GALNT13: variants seen among roughly 807,000 people sequenced by gnomAD.
The protein encoded by GALNT13 is UDP-GalNAc:polypeptide N-acetylgalactosaminyltransferase 13.
Under a neutral mutation model 64.2 loss-of-function variants are expected in GALNT13, and 28 were observed. The ratio of observed to expected loss-of-function variants is 0.44; its 90% confidence interval spans 0.32 to 0.60. The LOEUF is 0.60. Among genes scored for constraint, GALNT13 ranks in the 20% least tolerant of loss-of-function variants. GALNT13 has a pLI of 0.05. For synonymous variants in GALNT13, 214 were observed against 224.6 expected (o/e 0.95, Z 0.42); for missense variants, 577 against 669.8 (o/e 0.86, Z 1.53).
At chr2:153,477,161 CCTT>C in the GALNT13 span, among the ~76,000 whole-genome samples, 1 of 152,084 alleles carries the variant, frequency 6.6e-6, no homozygotes, top group African/African-American at 2.4e-5. Context: ...AGGCTGGGCT[CCTT>C]CTCAGTCATC....
intron 4 of GALNT13, among the ~76,000 whole-genome samples, chr2:154,193,142 G>A (rs1686690350): frequency 6.6e-6 from 1 of 152,172 alleles, no homozygotes; most frequent in Non-Finnish European, 1.5e-5. Flanking sequence ...CAGGATAAGA[G>A]TACAAATCCC....
At chr2:153,103,770 T>C in the GALNT13 span, among the ~76,000 whole-genome samples, 1 of 152,234 alleles carries the variant, frequency 6.6e-6, no homozygotes, top group African/African-American at 2.4e-5. Flanking sequence ...GCCTTATTCA[T>C]GACTGCATCC....
intron 3 of GALNT13, among the ~76,000 whole-genome samples, chr2:154,132,697 CCAA>C (rs1682687696): frequency 6.6e-6 from 1 of 151,596 alleles, no homozygotes; most frequent in South Asian, 2.1e-4. Flanking sequence ...ACCAAGCTGG[CCAA>C]CTTGGTGAAA....
chr2:153,646,155 T>A, the GALNT13 span, among the ~76,000 whole-genome samples: 11 of 152,088 alleles, frequency 7.2e-5, no homozygotes, highest in African/African-American at 2.4e-4. Flanking sequence ...TTTATTGTTC[T>A]TCCTCTGTAC....
At chr2:153,086,924 G>A in the GALNT13 span, among the ~76,000 whole-genome samples, 1 of 152,028 alleles carries the variant, frequency 6.6e-6, no homozygotes, top group Non-Finnish European at 1.5e-5. Context: ...CATACCATCA[G>A]CGAACAGTGA....
At chr2:154,322,138 T>C (rs1694654587) in intron 9 of GALNT13, among the ~76,000 whole-genome samples, 1 of 107,164 alleles carries the variant, frequency 9.3e-6, no homozygotes, top group East Asian at 2.6e-4. Flanking sequence ...CTTTCTAAAA[T>C]ATGTACTTTT....
At chr2:153,180,949 T>C in the GALNT13 span, among the ~76,000 whole-genome samples, 1 of 151,358 alleles carries the variant, frequency 6.6e-6, no homozygotes, top group Non-Finnish European at 1.5e-5. Flanking sequence ...TTGTTTATCT[T>C]TTCAAAATAA....
chr2:153,635,441 C>CATATATATGTATATATATAT, the GALNT13 span, among the ~76,000 whole-genome samples: 8 of 129,848 alleles, frequency 6.2e-5, no homozygotes, highest in East Asian at 4.2e-4. Context: ...TATATATATA[C>CATATATATGTATATATATAT]ACACATATAT....
the GALNT13 span, among the ~76,000 whole-genome samples, chr2:153,303,210 T>A: frequency 1.2e-4 from 18 of 150,688 alleles, 1 homozygote; most frequent in Admixed American, 1.2e-3. Context: ...TTTTCTTCCA[T>A]TTTTTTTTAT....
intron 3 of GALNT13, among the ~76,000 whole-genome samples, chr2:153,948,131 T>C (rs1317570887): frequency 6.6e-5 from 10 of 152,154 alleles, no homozygotes; most frequent in Non-Finnish European, 1.5e-5. Context: ...TCTAGCTTTG[T>C]TCTTTTTGCT....
chr2:154,180,633 G>C (rs901405746), intron 4 of GALNT13, among the ~76,000 whole-genome samples: 8 of 152,042 alleles, frequency 5.3e-5, no homozygotes, highest in Admixed American at 3.9e-4. Flanking sequence ...AATAAGCGTA[G>C]TTAAAATGTT....
At chr2:153,747,422 G>GT in the GALNT13 span, among the ~76,000 whole-genome samples, 1,299 of 93,736 alleles carry the variant, frequency 0.014, 99 homozygotes, top group African/African-American at 0.027. Context: ...AGTGCCTTTG[G>GT]TTTTTTTTTT....
chr2:154,393,926 A>C (rs997395596), intron 9 of GALNT13, among the ~76,000 whole-genome samples: 1 of 149,716 alleles, frequency 6.7e-6, no homozygotes, highest in Non-Finnish European at 1.5e-5. Context: ...AAAATACAAA[A>C]AATTAGCCGG....
the GALNT13 span, among the ~76,000 whole-genome samples, chr2:153,773,847 C>G: frequency 2.0e-5 from 3 of 152,060 alleles, no homozygotes; most frequent in Non-Finnish European, 4.4e-5. Context: ...CTCTTTTTAA[C>G]TTTAACTTTT....
upstream of GALNT13, among the ~76,000 whole-genome samples, chr2:153,867,021 A>C (rs1276961504): frequency 6.6e-6 from 1 of 152,186 alleles, no homozygotes; most frequent in Non-Finnish European, 1.5e-5. Flanking sequence ...CATAATGATA[A>C]AGCTTGAATA....
At chr2:153,931,796 A>G (rs1244532498) in intron 2 of GALNT13, among the ~76,000 whole-genome samples, 2 of 152,156 alleles carry the variant, frequency 1.3e-5, no homozygotes, top group African/African-American at 2.4e-5. Context: ...ATCTATGGTC[A>G]TCAGGGATAT....
the GALNT13 span, among the ~76,000 whole-genome samples, chr2:153,192,755 T>G: frequency 1.3e-5 from 2 of 152,168 alleles, no homozygotes; most frequent in Non-Finnish European, 2.9e-5. Flanking sequence ...ATGACCTTCT[T>G]TGTCTCTTTT....
At chr2:154,240,874 A>T (rs760112441) in intron 4 of GALNT13, among the ~76,000 whole-genome samples, 20 of 152,130 alleles carry the variant, frequency 1.3e-4, no homozygotes, top group Non-Finnish European at 2.9e-4. Context: ...CTCTCAGCAG[A>T]TGGGGGAAGC....
chr2:153,256,963 G>A, the GALNT13 span, among the ~76,000 whole-genome samples: 4 of 152,376 alleles, frequency 2.6e-5, no homozygotes, highest in South Asian at 2.1e-4. Context: ...GCCTCCTTGA[G>A]CTGTGGTGGG....
Sources: allele counts gnomAD v4.1 joint callset (sites outside exome capture counted in the v4.1 genomes callset), GRCh38; gene constraint gnomAD v4.1.1; transcripts MANE v1.5; gene names NCBI Gene and HGNC (gene_info 2026-07-23, HGNC 2026-07-21).